CEP170: variants seen among roughly 807,000 people sequenced by gnomAD.
The protein encoded by CEP170 is centrosomal protein of 170 kDa.
CEP170 carries 21 observed loss-of-function variants against 151.9 expected under a neutral mutation model. The observed-to-expected ratio is 0.14, with a 90% CI of 0.10 to 0.20. The LOEUF (loss-of-function observed/expected upper bound fraction) is 0.20, where lower values mean the gene tolerates loss of function less well. Among genes scored for constraint, CEP170 ranks in the 10% least tolerant of loss-of-function variants. CEP170 has a pLI of 1.00. For synonymous variants in CEP170, 356 were observed against 648.8 expected, an observed-to-expected ratio of 0.55 and a Z score of 6.86; for missense variants, 964 against 1,892.9, an observed-to-expected ratio of 0.51 and a Z score of 9.11.
rs186208055 is a variant in CEP170 at position 243,183,849 on chromosome 1, T to A, written c.1566+1930A>T. ...TATAATTTGCTGTCAAAATGGACTC[T>A]GAGAATAAAAAATGATGCTTATGAT... On this transcript the variant is annotated intron_variant, in intron 10 of 19. Coordinates refer to ENST00000366542, the MANE Select transcript of CEP170 (RefSeq NM_014812.3). Among the ~76,000 whole-genome samples the A allele has an allele frequency of 2.1e-3, 313 of 152,316 alleles. 1 individual carries two copies. The highest frequency in any genetic ancestry group is 6.8e-3 in the Middle Eastern group (2 of 294).
intron 1 of CEP170, among the ~76,000 whole-genome samples, chr1:243,227,135 ACT>A (rs2063360985): frequency 6.6e-6 from 1 of 152,048 alleles, no homozygotes; most frequent in Non-Finnish European, 1.5e-5. Context: ...AAAACATCAC[ACT>A]CGTTAATATT....
intron 1 of CEP170, among the ~76,000 whole-genome samples, chr1:243,229,733 A>G (rs1169271877): frequency 6.6e-6 from 1 of 152,194 alleles, no homozygotes; most frequent in East Asian, 1.9e-4. Flanking sequence ...AACCAATACA[A>G]AAGCTGGCCA....
In CEP170 at chr1:243,186,401, G is replaced by A. The variant is rs1294107974; in HGVS notation, c.1130C>T (p.Thr377Met). ...CCCAGCGTTCTCTGAATCACTTTGC[G>A]TACCATCATCATGTTTATTTCCTGG... ...RLKGNKHDDG[T>M]QSDSENAGAH... The change falls in exon 9 of 20, where the codon ACG becomes ATG. Residue 377 changes from threonine to methionine, a missense_variant. Coordinates refer to ENST00000366542, the MANE Select transcript of CEP170 (RefSeq NM_014812.3). 3 of 1,607,138 alleles carry A rather than the reference G, an allele frequency of 1.9e-6. No individual in the cohort carries two copies. Among genetic ancestry groups the A allele is most frequent in the East Asian group, 2.2e-5 (1 of 44,858 alleles).
intron 1 of CEP170, among the ~76,000 whole-genome samples, chr1:243,228,167 A>G (rs1016581875): frequency 6.6e-6 from 1 of 152,268 alleles, no homozygotes; most frequent in Non-Finnish European, 1.5e-5. Context: ...ATATCTCTAT[A>G]TATTAAACCA....
chr1:243,184,245 G>A (rs1410436058), intron 10 of CEP170, among the ~76,000 whole-genome samples: 1 of 151,930 alleles, frequency 6.6e-6, no homozygotes, highest in Non-Finnish European at 1.5e-5. Context: ...AGAAACTGAG[G>A]CTTAAAGAGG....
chr1:243,214,132 T>C (rs1301638093), intron 3 of CEP170, among the ~76,000 whole-genome samples: 2 of 152,208 alleles, frequency 1.3e-5, no homozygotes, highest in Non-Finnish European at 2.9e-5. Context: ...CAAGTATCTA[T>C]ACAAAGGTGA....
intron 12 of CEP170, among the ~76,000 whole-genome samples, chr1:243,168,113 T>C (rs2058572285): frequency 6.6e-6 from 1 of 151,954 alleles, no homozygotes. Flanking sequence ...TCTGGTTTCT[T>C]TGTTTCCTAA....
At chr1:243,155,764 T>C (rs1437343863) in intron 14 of CEP170, among the ~76,000 whole-genome samples, 1 of 152,184 alleles carries the variant, frequency 6.6e-6, no homozygotes, top group African/African-American at 2.4e-5. Context: ...CCATACTTAA[T>C]GAGCTCATAA....
rs913848674 is a variant in CEP170 at position 243,225,336 on chromosome 1, G to T, written c.-41-15C>A. On this transcript the variant is annotated splice_polypyrimidine_tract_variant and intron_variant, in intron 1 of 19. Transcript: ENST00000366542. Reference sequence around the variant, plus strand: ...GCTACGTCATCCTGAAGAGAAACATGAAGAAAAATATACGTTCAGATATTT... The same window carrying T: ...GCTACGTCATCCTGAAGAGAAACATTAAGAAAAATATACGTTCAGATATTT... The T allele has an allele frequency of 1.8e-6, 2 of 1,083,042 alleles. No individual in the cohort carries two copies. Among genetic ancestry groups the T allele is most frequent in the Non-Finnish European group, 2.6e-6 (2 of 762,488 alleles). 67.1% of individuals were successfully genotyped at this position (1,083,042 alleles called of 1,614,324 possible). A position where few individuals can be genotyped will look rare whatever the true frequency, so the allele number is the denominator to read the frequency against.
At chr1:243,233,165 A>G (rs2063911071) in intron 1 of CEP170, among the ~76,000 whole-genome samples, 1 of 152,210 alleles carries the variant, frequency 6.6e-6, no homozygotes, top group South Asian at 2.1e-4. Context: ...GAAAGCTCAG[A>G]CACTTGGGTG....
intron 14 of CEP170, among the ~76,000 whole-genome samples, chr1:243,147,029 TAC>T (rs1467463885): frequency 6.6e-6 from 1 of 151,638 alleles, no homozygotes; most frequent in African/African-American, 2.4e-5. Context: ...TATCATTGGC[TAC>T]GAAGCATGAA....
chr1:243,167,017 T>C (rs1439574436), intron 12 of CEP170, among the ~76,000 whole-genome samples: 1 of 152,160 alleles, frequency 6.6e-6, no homozygotes, highest in Non-Finnish European at 1.5e-5. Context: ...TAATGTGTTT[T>C]ATAGAAGGGA....
intron 4 of CEP170, among the ~76,000 whole-genome samples, chr1:243,210,485 A>G (rs1204926000): frequency 6.6e-6 from 1 of 151,946 alleles, no homozygotes; most frequent in Non-Finnish European, 1.5e-5. Flanking sequence ...TACAAGTATT[A>G]CTATTTAATG....
intron 12 of CEP170, chr1:243,166,652 C>A (rs1426243703): frequency 6.6e-6 from 1 of 151,656 alleles, no homozygotes; most frequent in Non-Finnish European, 1.5e-5. Context: ...TCAAGCTGCA[C>A]AAATAAGCAA....
intron 10 of CEP170, among the ~76,000 whole-genome samples, chr1:243,178,155 C>T (rs2059372210): frequency 6.6e-6 from 1 of 150,556 alleles, no homozygotes; most frequent in African/African-American, 2.5e-5. Context: ...ATGGCAAAAC[C>T]CCATCTATAC....
chr1:243,142,573 G>C, intron 14 of CEP170, 110 bp from the exon 15 acceptor site: 1 of 908,018 alleles, frequency 1.1e-6, no homozygotes, highest in Non-Finnish European at 1.6e-6. Context: ...TTAAATATTT[G>C]TACCCCAAAT....
At chr1:243,153,138 CTA>C (rs2057263722) in intron 14 of CEP170, among the ~76,000 whole-genome samples, 1 of 152,176 alleles carries the variant, frequency 6.6e-6, no homozygotes, top group South Asian at 2.1e-4. Context: ...ACTAGAAAGA[CTA>C]GAGTTAGAAG....
At chr1:243,250,230 G>C in intron 1 of CEP170, among the ~76,000 whole-genome samples, 1 of 152,078 alleles carries the variant, frequency 6.6e-6, no homozygotes, top group Admixed American at 6.5e-5. Flanking sequence ...TTTGTCCTTG[G>C]CTATATTAAG....
At chr1:243,161,347 A>G (rs2058053348) in intron 13 of CEP170, among the ~76,000 whole-genome samples, 1 of 152,172 alleles carries the variant, frequency 6.6e-6, no homozygotes, top group African/African-American at 2.4e-5. Context: ...TTGGGGAAAA[A>G]AAAACTAGTT....
Sources: allele counts gnomAD v4.1 joint callset (sites outside exome capture counted in the v4.1 genomes callset), GRCh38; gene constraint gnomAD v4.1.1; transcripts MANE v1.5; gene names NCBI Gene and HGNC (gene_info 2026-07-23, HGNC 2026-07-21).